CAMK2D: variants seen among roughly 807,000 people sequenced by gnomAD.
CAMK2D encodes the protein calcium/calmodulin dependent protein kinase II delta.
In CAMK2D, 37 loss-of-function variants were observed where a neutral mutation model predicts 84.0. The observed-to-expected ratio is 0.44, with a 90% CI of 0.34 to 0.58. The LOEUF (loss-of-function observed/expected upper bound fraction) is 0.58. Ranked by LOEUF, CAMK2D falls within the 20% of genes least tolerant of loss-of-function variation. The probability of loss-of-function intolerance (pLI) is 0.02; values close to 1 mark genes in which losing one functional copy is unlikely to be tolerated. For synonymous variants in CAMK2D, 202 were observed against 212.5 expected, an observed-to-expected ratio of 0.95 and a Z score of 0.43; for missense variants, 448 against 652.5, an observed-to-expected ratio of 0.69 and a Z score of 3.41.
intron 4 of CAMK2D, among the ~76,000 whole-genome samples, chr4:113,592,502 C>T (rs996948683): frequency 3.3e-5 from 5 of 152,150 alleles, no homozygotes; most frequent in Admixed American, 3.3e-4. Flanking sequence ...AATAAGCATC[C>T]ATGATTTTAC....
intron 4 of CAMK2D, among the ~76,000 whole-genome samples, chr4:113,593,678 TC>T (rs374349900): frequency 1.8e-4 from 27 of 152,316 alleles, no homozygotes; most frequent in African/African-American, 5.5e-4. Context: ...AGGTCTGCCC[TC>T]AGGAACAACT....
chr4:113,665,283 C>A (rs2099253069), intron 2 of CAMK2D, among the ~76,000 whole-genome samples: 1 of 152,144 alleles, frequency 6.6e-6, no homozygotes, highest in Non-Finnish European at 1.5e-5. Context: ...ATTCTAGTTT[C>A]CATTAAAACT....
chr4:113,761,246 C>G lies in CAMK2D; in HGVS notation c.-178G>C. 1 of 1,466,680 alleles carries G rather than the reference C, an allele frequency of 6.8e-7. No homozygotes were observed. The highest frequency in any genetic ancestry group is 9.0e-7 in the Non-Finnish European group (1 of 1,111,936). 90.9% of individuals were successfully genotyped at this position (1,466,680 alleles called of 1,614,324 possible). ...AGGGGCGGGGCGGGAGGGGAGATGA[C>G]CAGAAAGGGTGGCGTGGGGTCTCCT... On this transcript the variant is annotated 5_prime_UTR_variant, in exon 1 of 21. Transcript: ENST00000511664.
chr4:113,761,515 A>T lies in CAMK2D; in HGVS notation c.-447T>A. On this transcript the variant is annotated 5_prime_UTR_variant, in exon 1 of 21. Transcript: ENST00000511664. The stretch of plus-strand genomic sequence containing the variant: ...AGGGAGTCCGAGGGGGCGGAGGTGG[A>T]GTGCAGCGGGGCCGAGGCCGCGGAG... The T allele has an allele frequency of 9.8e-7, 1 of 1,021,462 alleles. No individual in the cohort carries two copies. Among genetic ancestry groups the T allele is most frequent in the Non-Finnish European group, 1.2e-6 (1 of 851,438 alleles). 63.3% of individuals were successfully genotyped at this position (1,021,462 alleles called of 1,614,324 possible).
intron 12 of CAMK2D, among the ~76,000 whole-genome samples, chr4:113,511,388 T>C (rs1590433564): frequency 1.3e-5 from 2 of 152,162 alleles, no homozygotes; most frequent in African/African-American, 4.8e-5. Context: ...GTTTACATGA[T>C]GATGAAAAGG....
chr4:113,755,173 TACACACACACACAC>T (rs59818897), intron 2 of CAMK2D: 2 of 162,648 alleles, frequency 1.2e-5, no homozygotes, highest in Non-Finnish European at 2.3e-5. Flanking sequence ...TACTTAGGGA[TACACACACACACAC>T]ACACACACAC....
intron 9 of CAMK2D, 131 bp from the exon 10 acceptor site, chr4:113,515,322 T>C (rs536419156): frequency 1.7e-6 from 1 of 583,916 alleles, no homozygotes; most frequent in East Asian, 3.1e-5. Context: ...ATAAGTTAAG[T>C]TGTATCTAAA....
chr4:113,491,401 CAT>C (rs2097842299), intron 16 of CAMK2D, among the ~76,000 whole-genome samples: 1 of 144,502 alleles, frequency 6.9e-6, no homozygotes, highest in African/African-American at 2.6e-5. Flanking sequence ...TTGAGATAAT[CAT>C]GTGGTTTTTG....
rs896441342 is a variant in CAMK2D at position 113,451,618 on chromosome 4, A to C, written c.*2927T>G. 4 of 152,202 alleles carry C rather than the reference A, an allele frequency of 2.6e-5. No homozygotes were observed. Among genetic ancestry groups the C allele is most frequent in the African/African-American group, 9.6e-5 (4 of 41,472 alleles). 9.4% of individuals were successfully genotyped at this position (152,202 alleles called of 1,614,324 possible). A position where few individuals can be genotyped will look rare whatever the true frequency, so the allele number is the denominator to read the frequency against. Reference sequence around the variant, plus strand: ...GGTACCCCTTGAGGCTTCTGTTATCAAAAGGGCTTGGCCTCAATTCAACAA... The same window carrying C: ...GGTACCCCTTGAGGCTTCTGTTATCCAAAGGGCTTGGCCTCAATTCAACAA... On this transcript the variant is annotated 3_prime_UTR_variant, in exon 21 of 21. Transcript: ENST00000511664.
intron 4 of CAMK2D, among the ~76,000 whole-genome samples, chr4:113,606,127 T>C (rs928442925): frequency 5.3e-5 from 8 of 151,798 alleles, no homozygotes; most frequent in African/African-American, 1.9e-4. Context: ...ATAGAGGCTA[T>C]AAAGAAGAAA....
intron 4 of CAMK2D, among the ~76,000 whole-genome samples, chr4:113,564,616 A>C (rs1024469993): frequency 2.0e-5 from 3 of 152,184 alleles, no homozygotes; most frequent in African/African-American, 7.2e-5. Flanking sequence ...TGAACCTAAC[A>C]TGAGCCTAAC....
chr4:113,557,211 C>T (rs2098671079), intron 4 of CAMK2D, among the ~76,000 whole-genome samples: 1 of 152,056 alleles, frequency 6.6e-6, no homozygotes, highest in African/African-American at 2.4e-5. Flanking sequence ...TATCTTGCCC[C>T]CCAGCCCCCA....
chr4:113,457,025 T>C, intron 19 of CAMK2D: 1 of 283,278 alleles, frequency 3.5e-6, no homozygotes, highest in African/African-American at 2.2e-5. Flanking sequence ...ATTGAGAAGA[T>C]GAAGTCACAA....
intron 8 of CAMK2D, among the ~76,000 whole-genome samples, chr4:113,527,946 A>G (rs1313868741): frequency 6.6e-6 from 1 of 152,212 alleles, no homozygotes. Flanking sequence ...GAACAAATGA[A>G]TAATTTATTT....
intron 4 of CAMK2D, among the ~76,000 whole-genome samples, chr4:113,581,341 G>A (rs1400975926): frequency 6.6e-6 from 1 of 151,540 alleles, no homozygotes; most frequent in Non-Finnish European, 1.5e-5. Flanking sequence ...TGGAGAAAGC[G>A]TGTCTCTACT....
chr4:113,559,150 T>C (rs1387126314), intron 4 of CAMK2D, among the ~76,000 whole-genome samples: 1 of 152,002 alleles, frequency 6.6e-6, no homozygotes, highest in African/African-American at 2.4e-5. Flanking sequence ...ACAGACATTC[T>C]AAAGATAACA....
At chr4:113,536,540 T>C in intron 7 of CAMK2D, among the ~76,000 whole-genome samples, 1 of 152,220 alleles carries the variant, frequency 6.6e-6, no homozygotes, top group East Asian at 1.9e-4. Flanking sequence ...AACAATTATC[T>C]AACCTCAACA....
At chr4:113,530,066 G>T (rs542936113) in intron 8 of CAMK2D, among the ~76,000 whole-genome samples, 1 of 152,322 alleles carries the variant, frequency 6.6e-6, no homozygotes, top group Non-Finnish European at 1.5e-5. Context: ...TGAGGTTTGA[G>T]AACTTCTACT....
chr4:113,697,767 T>A (rs879763579), intron 2 of CAMK2D, among the ~76,000 whole-genome samples: 3 of 105,606 alleles, frequency 2.8e-5, no homozygotes, highest in African/African-American at 8.1e-5. Context: ...AATGACTCCC[T>A]CAAATAGAGT....
Sources: gnomAD v4.1 joint callset for allele counts (sites outside exome capture counted in the v4.1 genomes callset) on GRCh38, gnomAD v4.1.1 for gene constraint, MANE v1.5 for transcripts, NCBI Gene and HGNC (gene_info 2026-07-23, HGNC 2026-07-21) for gene names.